Variants in FGL1 observed in about 807,000 individuals in gnomAD.
FGL1 encodes the protein fibrinogen-like protein 1.
FGL1 carries 59 observed loss-of-function variants against 43.7 expected under a neutral mutation model. The observed-to-expected ratio is 1.35, with a 90% CI of 1.10 to 1.68. The LOEUF (loss-of-function observed/expected upper bound fraction) is 1.68, where lower values mean the gene tolerates loss of function less well. Among genes scored for constraint, FGL1 ranks in the 40% most tolerant of loss-of-function variants. The probability of loss-of-function intolerance (pLI) is 0.00; values close to 1 mark genes in which losing one functional copy is unlikely to be tolerated. For missense variants in FGL1, 596 were observed against 373.0 expected, an observed-to-expected ratio of 1.60 and a Z score of -4.92; for synonymous variants, 192 against 126.5, an observed-to-expected ratio of 1.52 and a Z score of -3.48.
At chr8:17,873,835 T>C (rs1224600951) in intron 5 of FGL1, among the ~76,000 whole-genome samples, 184 bp downstream of exon 5, 2 of 151,778 alleles carry the variant, frequency 1.3e-5, no homozygotes. Flanking sequence ...TCTAGCTTTT[T>C]TTTCTGTTTC....
At chr8:17,867,440 T>C (rs953836734) in intron 7 of FGL1, among the ~76,000 whole-genome samples, 3 of 152,168 alleles carry the variant, frequency 2.0e-5, no homozygotes, top group African/African-American at 7.2e-5. Flanking sequence ...TCTATAGTAG[T>C]TCTCTGTTTT....
At position 17,864,885 on chromosome 8, in the gene FGL1, T is replaced by G. The variant is rs544101065; in HGVS notation, c.780-134A>C. ...TGCCATTTTTCAGACAAGTAAATAT[T>G]TACTAGTTTCCAAAAGCTGAGAAAT... is the stretch of plus-strand genomic sequence containing the variant. On this transcript the variant is annotated intron_variant, in intron 7 of 7. Coordinates refer to ENST00000427924, the MANE Select transcript of FGL1 (RefSeq NM_004467.4). 1.3e-4 allele frequency: 87 copies of G among 682,614 alleles called. No homozygotes were observed. In the South Asian group the frequency reaches 5.0e-3, roughly 39 times the overall value. 42.3% of individuals were successfully genotyped at this position (682,614 alleles called of 1,614,324 possible).
Position 17,869,012 on chromosome 8 carries a change from A to G in FGL1, c.503-8T>C, listed in dbSNP as rs1357442790. 3.8e-6 allele frequency: 6 copies of G among 1,560,956 alleles called. No individual in the cohort carries two copies. Among genetic ancestry groups the G allele is most frequent in the African/African-American group, 2.7e-5 (2 of 73,064 alleles). On this transcript the variant is annotated splice_region_variant and splice_polypyrimidine_tract_variant and intron_variant, in intron 5 of 7. Coordinates refer to ENST00000427924, the MANE Select transcript of FGL1 (RefSeq NM_004467.4). ...TTTTTAAAGTGTAGTCTTCTAAAAAAGAAACAAGCAATTATAATTTTTAAA... is the reference window on the plus strand; with the variant it reads ...TTTTTAAAGTGTAGTCTTCTAAAAAGGAAACAAGCAATTATAATTTTTAAA...
intron 1 of FGL1, among the ~76,000 whole-genome samples, chr8:17,889,131 C>T (rs2053669664): frequency 6.6e-6 from 1 of 152,162 alleles, no homozygotes; most frequent in Admixed American, 6.5e-5. Context: ...TGCAATATTA[C>T]TTACATTAAA....
At chr8:17,880,691 G>A (rs950033011) in intron 3 of FGL1, among the ~76,000 whole-genome samples, 23 of 152,174 alleles carry the variant, frequency 1.5e-4, no homozygotes, top group Non-Finnish European at 2.8e-4. Flanking sequence ...AAATTACAAT[G>A]TAGCATGGTA....
chr8:17,875,810 T>C (rs1157432628), intron 3 of FGL1, among the ~76,000 whole-genome samples: 1 of 152,120 alleles, frequency 6.6e-6, no homozygotes, highest in East Asian at 1.9e-4. Context: ...TTTTGCCATG[T>C]TGGCCAGACT....
chr8:17,883,054 T>C (rs2053567022), intron 2 of FGL1, among the ~76,000 whole-genome samples: 1 of 91,934 alleles, frequency 1.1e-5, no homozygotes, highest in South Asian at 3.5e-4. Flanking sequence ...ATATAATATA[T>C]ATCATATGTA....
chr8:17,879,675 G>T (rs1009984476), intron 3 of FGL1, among the ~76,000 whole-genome samples: 1 of 152,054 alleles, frequency 6.6e-6, no homozygotes, highest in African/African-American at 2.4e-5. Context: ...CTCCCCAGAA[G>T]CAGATGCTGC....
intron 3 of FGL1, among the ~76,000 whole-genome samples, chr8:17,880,918 T>C (rs1281853060): frequency 6.6e-6 from 1 of 152,206 alleles, no homozygotes; most frequent in Non-Finnish European, 1.5e-5. Flanking sequence ...AGGAACATTA[T>C]GAAATCAGAA....
chr8:17,874,594 T>A (rs2053417536), intron 3 of FGL1, 73 bp from the exon 4 acceptor site: 1 of 1,216,796 alleles, frequency 8.2e-7, no homozygotes, highest in African/African-American at 1.5e-5. Context: ...AGCCTCTGAA[T>A]GAGACTACTC....
Position 17,874,095 on chromosome 8 carries a change from A to G in FGL1, c.426T>C (p.Asn142=), listed in dbSNP as rs371189982. The G allele has an allele frequency of 6.2e-7, 1 of 1,610,858 alleles. No individual in the cohort carries two copies. The highest frequency in any genetic ancestry group is 1.7e-4 in the Middle Eastern group (1 of 6,054). ...NFNRGWKDYE[N]GFGNFVQKHG... ...GTTTTTGGACAAAATTTCCAAAGCC[A>G]TTTTCATAGTCTTTCCATCCTCTAA... The change falls in exon 5 of 8, where the codon AAT becomes AAC. Residue 142 remains asparagine, a synonymous_variant. Coordinates refer to ENST00000427924, the MANE Select transcript of FGL1 (RefSeq NM_004467.4).
At chr8:17,880,275 G>GC (rs2053515222) in intron 3 of FGL1, among the ~76,000 whole-genome samples, 1 of 152,214 alleles carries the variant, frequency 6.6e-6, no homozygotes, top group African/African-American at 2.4e-5. Flanking sequence ...AGCAGAGGGA[G>GC]ATAAGGATCT....
At chr8:17,869,507 G>C (rs924218640) in intron 5 of FGL1, among the ~76,000 whole-genome samples, 1 of 152,138 alleles carries the variant, frequency 6.6e-6, no homozygotes, top group African/African-American at 2.4e-5. Flanking sequence ...TTTCCTGATA[G>C]CATAAAAGAT....
chr8:17,895,247 T>A (rs1585157029), intron 1 of FGL1, 200 bp downstream of exon 1: 1 of 934,032 alleles, frequency 1.1e-6, no homozygotes, highest in Non-Finnish European at 1.3e-6. Context: ...TCTGTATATT[T>A]GTATATCTGT....
intron 1 of FGL1, among the ~76,000 whole-genome samples, chr8:17,887,222 G>T (rs2053641438): frequency 6.6e-6 from 1 of 152,142 alleles, no homozygotes; most frequent in African/African-American, 2.4e-5. Flanking sequence ...AGGAACAGCA[G>T]AGCTTCACCG....
chr8:17,873,612 C>T (rs975438555), intron 5 of FGL1, among the ~76,000 whole-genome samples: 1 of 151,532 alleles, frequency 6.6e-6, no homozygotes, highest in Non-Finnish European at 1.5e-5. Context: ...GAACTCAAGG[C>T]ATCAAAAAGG....
At chr8:17,887,625 G>A (rs34579615) in intron 1 of FGL1, among the ~76,000 whole-genome samples, 1,821 of 152,124 alleles carry the variant, frequency 0.012, 16 homozygotes, top group Non-Finnish European at 0.017. Flanking sequence ...CGAGGCGGGC[G>A]GATCACTGAG....
At chr8:17,871,968 C>A (rs1191152634) in intron 5 of FGL1, among the ~76,000 whole-genome samples, 1 of 152,166 alleles carries the variant, frequency 6.6e-6, no homozygotes, top group Middle Eastern at 3.4e-3. Flanking sequence ...CTGGGGTTTT[C>A]ATAGTTTCAA....
At chr8:17,894,955 T>A (rs1198497165) in intron 1 of FGL1, among the ~76,000 whole-genome samples, 1 of 149,362 alleles carries the variant, frequency 6.7e-6, no homozygotes, top group African/African-American at 2.5e-5. Context: ...TAGCATTAGA[T>A]TTAGTAAAAA....
Sources: allele counts gnomAD v4.1 joint callset (sites outside exome capture counted in the v4.1 genomes callset), GRCh38; gene constraint gnomAD v4.1.1; transcripts MANE v1.5; gene names NCBI Gene and HGNC (gene_info 2026-07-23, HGNC 2026-07-21).